The following NFATC1 variants were observed in gnomAD, a reference collection of about 807,000 sequenced individuals.
NFATC1 encodes nuclear factor of activated T cells 1.
In NFATC1, 22 loss-of-function variants were observed where a neutral mutation model predicts 76.0. The ratio of observed to expected loss-of-function variants is 0.29; its 90% CI spans 0.21 to 0.41. The LOEUF (loss-of-function observed/expected upper bound fraction) is 0.41, where lower values mean the gene tolerates loss of function less well. Among genes scored for constraint, NFATC1 ranks in the 10% least tolerant of loss-of-function variants. The pLI, the probability that NFATC1 is intolerant of heterozygous loss-of-function variation, is 1.00. For synonymous variants in NFATC1, 704 were observed against 613.1 expected (o/e 1.15, Z -2.19); for missense variants, 1,357 against 1,337.7 (o/e 1.01, Z -0.23).
chr18:79,463,014 C>A (rs188685671), intron 7 of NFATC1, among the ~76,000 whole-genome samples: 1 of 151,760 alleles, frequency 6.6e-6, no homozygotes, highest in Non-Finnish European at 1.5e-5. Flanking sequence ...CACCTTCACT[C>A]CCTGTCCCAA....
intron 1 of NFATC1, 43 bp downstream of exon 1, chr18:79,396,394 C>T (rs551826112): frequency 1.7e-6 from 2 of 1,167,790 alleles, no homozygotes; most frequent in Admixed American, 4.7e-5. Flanking sequence ...CTGCGCCCCC[C>T]ACGGCCCGGG....
Position 79,451,666 on chromosome 18 carries a change from T to C in NFATC1, c.1763-10T>C, listed in dbSNP as rs1300288915. On this transcript the variant is annotated splice_polypyrimidine_tract_variant and intron_variant, in intron 5 of 9. Transcript: ENST00000427363. ...GACAGGCCCTCACTGCCCCTCTCCTTCTGATGCAGCCCAGCGCTCAGCTCA... is the reference window on the plus strand; with the variant it reads ...GACAGGCCCTCACTGCCCCTCTCCTCCTGATGCAGCCCAGCGCTCAGCTCA... 1 of 1,582,552 alleles carries C rather than the reference T, an allele frequency of 6.3e-7. No individual in the cohort carries two copies.
In NFATC1 at chr18:79,410,926, C is replaced by T. The variant is rs1474893321; in HGVS notation, c.651C>T (p.Pro217=). 6.2e-6 allele frequency: 10 copies of T among 1,605,314 alleles called. No homozygotes were observed. The highest frequency in any genetic ancestry group is 1.7e-4 in the Middle Eastern group (1 of 6,060). The change falls in exon 2 of 10, where the codon CCC becomes CCT. Residue 217 remains proline, a synonymous_variant. Coordinates refer to ENST00000427363, the MANE Select transcript of NFATC1 (RefSeq NM_001278669.2). The surrounding 1 kb of genome is among the most constrained non-coding windows in gnomAD (Gnocchi z 6.7). ...SPCVSPKTTD[P]EEGFPRGLGA... ...GCGTGTCTCCCAAGACCACGGACCC[C>T]GAGGAGGGCTTTCCCCGCGGGCTGG...
chr18:79,473,968 C>T (rs900495742), intron 8 of NFATC1, among the ~76,000 whole-genome samples: 4 of 146,854 alleles, frequency 2.7e-5, no homozygotes, highest in East Asian at 4.1e-4. Flanking sequence ...CGTGTTCTCG[C>T]GCTCACTGTC....
At position 79,410,980 on chromosome 18, in the gene NFATC1, G is replaced by A. The variant is rs987370316; in HGVS notation, c.705G>A (p.Arg235=). 6.2e-7 allele frequency: 1 copy of A among 1,604,064 alleles called. No individual in the cohort carries two copies. Among genetic ancestry groups the A allele is most frequent in the Non-Finnish European group, 8.5e-7 (1 of 1,175,560 alleles). Residue 235 remains arginine, a synonymous_variant, in exon 2 of 10, where the codon CGG becomes CGA. Transcript: ENST00000427363. This position sits in a 1 kb window ranked among gnomAD's most constrained non-coding sequence, Gnocchi z 6.7. ...CCTGCACACTGCTGGGTTCCCCGCG[G>A]CACTCCCCCTCCACCTCGCCCCGCG... ...LGACTLLGSP[R]HSPSTSPRAS...
At chr18:79,504,381 A>G (rs2090078580) in intron 9 of NFATC1, among the ~76,000 whole-genome samples, 2 of 152,204 alleles carry the variant, frequency 1.3e-5, no homozygotes, top group Non-Finnish European at 2.9e-5. Context: ...GTCTCAGGGA[A>G]TAGGGAGGCC....
intron 2 of NFATC1, among the ~76,000 whole-genome samples, chr18:79,431,803 A>T (rs994513576): frequency 5.9e-5 from 9 of 152,162 alleles, no homozygotes; most frequent in Admixed American, 5.2e-4. Context: ...CTTCGGTATA[A>T]GCAATTCTCC....
At chr18:79,462,070 C>T (rs544735561) in intron 7 of NFATC1, among the ~76,000 whole-genome samples, 2 of 152,282 alleles carry the variant, frequency 1.3e-5, no homozygotes, top group South Asian at 2.1e-4. Context: ...TCCCTGGCAC[C>T]GCGTGCATAC....
At chr18:79,440,120 A>G (rs991405933) in intron 3 of NFATC1, among the ~76,000 whole-genome samples, 7 of 152,126 alleles carry the variant, frequency 4.6e-5, no homozygotes, top group African/African-American at 1.7e-4. Context: ...TGCAGCTGAG[A>G]CAGGAAATAC....
At chr18:79,425,179 C>CTCTGTCTCTGTCTCTGTGTCTG (rs2086270874) in intron 2 of NFATC1, among the ~76,000 whole-genome samples, 1 of 143,246 alleles carries the variant, frequency 7.0e-6, no homozygotes, top group East Asian at 2.0e-4. Context: ...CCATCTGTCT[C>CTCTGTCTCTGTCTCTGTGTCTG]TCTGTCTCTG....
intron 3 of NFATC1, among the ~76,000 whole-genome samples, chr18:79,442,732 G>A (rs1217189961): frequency 6.6e-6 from 1 of 152,242 alleles, no homozygotes; most frequent in South Asian, 2.1e-4. Context: ...GGCGGGCCAC[G>A]CCTTGCTGTA....
chr18:79,489,862 A>G (rs984478980), intron 9 of NFATC1, among the ~76,000 whole-genome samples: 1 of 152,186 alleles, frequency 6.6e-6, no homozygotes, highest in African/African-American at 2.4e-5. Flanking sequence ...GCCACACACA[A>G]GCTTTCGGGG....
intron 7 of NFATC1, among the ~76,000 whole-genome samples, chr18:79,463,762 C>A (rs989757492): frequency 2.0e-5 from 3 of 152,240 alleles, no homozygotes; most frequent in Non-Finnish European, 2.9e-5. Flanking sequence ...GTGCTGCCTA[C>A]CCTCCCTAGC....
rs1408780922 is a variant in NFATC1 at position 79,448,904 on chromosome 18, C to T, written c.1509C>T (p.Ser503=). The T allele has an allele frequency of 1.2e-6, 2 of 1,613,618 alleles. No homozygotes were observed. The highest frequency in any genetic ancestry group is 2.2e-5 in the East Asian group (1 of 44,888). The change falls in exon 4 of 10, where the codon TCC becomes TCT. Residue 503 remains serine (S), a synonymous_variant. Transcript: ENST00000427363. ...QVHRITGKTV[S]TTSHEAILSN... is the part of the protein sequence containing the mutation. ...ACCGCATCACAGGGAAGACCGTGTC[C>T]ACCACCAGCCACGAGGCCATCCTCT...
chr18:79,434,283 G>A (rs1331430315), intron 3 of NFATC1, among the ~76,000 whole-genome samples: 2 of 152,218 alleles, frequency 1.3e-5, no homozygotes, highest in Non-Finnish European at 2.9e-5. Flanking sequence ...CCCTGCAGCC[G>A]CGTCCCTGCT....
At chr18:79,429,362 C>T (rs939432052) in intron 2 of NFATC1, among the ~76,000 whole-genome samples, 1 of 152,012 alleles carries the variant, frequency 6.6e-6, no homozygotes, top group Non-Finnish European at 1.5e-5. Flanking sequence ...GCAAATTTCA[C>T]CCGAGCTTTT....
chr18:79,474,519 G>A lies in NFATC1; in HGVS notation c.2092+6937G>A, dbSNP rs1018157572. Among the ~76,000 whole-genome samples the A allele has an allele frequency of 4.7e-4, 70 of 148,962 alleles. 1 individual carries two copies. Among genetic ancestry groups the A allele is most frequent in the Non-Finnish European group, 8.6e-4 (58 of 67,454 alleles). On this transcript the variant is annotated intron_variant, in intron 8 of 9. Transcript: ENST00000427363. Reference sequence around the variant, plus strand: ...TCACTGTCGACGTTGCAAGGGAAGCGTGTTCTCACACTCACTGTCGACATT... The same window carrying A: ...TCACTGTCGACGTTGCAAGGGAAGCATGTTCTCACACTCACTGTCGACATT...
At chr18:79,409,309 TCCTC>T (rs1271513754) in intron 1 of NFATC1, among the ~76,000 whole-genome samples, 33 of 142,992 alleles carry the variant, frequency 2.3e-4, no homozygotes, top group Non-Finnish European at 4.2e-4. Context: ...ATCCATCCAT[TCCTC>T]CATTCCCTAT....
chr18:79,505,627 C>T (rs78184415), intron 9 of NFATC1, among the ~76,000 whole-genome samples: 64 of 125,902 alleles, frequency 5.1e-4, no homozygotes, highest in African/African-American at 1.4e-3. Context: ...GAGACTGCTG[C>T]GTGGGAGGAG....
Sources: allele counts gnomAD v4.1 joint callset (sites outside exome capture counted in the v4.1 genomes callset), GRCh38; gene constraint gnomAD v4.1.1; non-coding constraint Gnocchi (gnomAD v3.1); transcripts MANE v1.5; gene names NCBI Gene and HGNC (gene_info 2026-07-23, HGNC 2026-07-21).